PPFIA2: variants seen among roughly 807,000 people sequenced by gnomAD.
The protein encoded by PPFIA2 is PPFI scaffold protein A2.
A neutral mutation model predicts 175.5 loss-of-function variants in PPFIA2; 46 were observed. That is an observed-to-expected ratio of 0.26 (90% CI 0.21 to 0.34). The LOEUF (loss-of-function observed/expected upper bound fraction) is 0.34, where lower values mean the gene tolerates loss of function less well. PPFIA2 is among the 10% of genes least tolerant of loss of function. The probability of loss-of-function intolerance (pLI) is 1.00; values close to 1 mark genes in which losing one functional copy is unlikely to be tolerated. For synonymous variants in PPFIA2, 568 were observed against 511.4 expected (o/e 1.11, Z -1.49); for missense variants, 1,179 against 1,506.1 (o/e 0.78, Z 3.60).
intron 24 of PPFIA2, among the ~76,000 whole-genome samples, chr12:81,291,370 A>T (rs2044926518): frequency 6.6e-6 from 1 of 151,868 alleles, no homozygotes; most frequent in Non-Finnish European, 1.5e-5. Context: ...ATCACACTTC[A>T]CTTCTATTGC....
In PPFIA2 at chr12:81,339,287, G is replaced by T. The variant is rs1476380191; in HGVS notation, c.2441C>A (p.Ala814Asp). 6.2e-7 allele frequency: 1 copy of T among 1,609,822 alleles called. No homozygotes were observed. The highest frequency in any genetic ancestry group is 1.7e-5 in the Admixed American group (1 of 59,458). The change falls in exon 21 of 33, where the codon GCC (alanine) becomes GAC (aspartate). Residue 814 changes from alanine to aspartate, a missense_variant. This residue lies in a region of PPFIA2 where 223 missense variants were observed against 241.6 expected (regional missense o/e 0.92). Coordinates refer to ENST00000549396, the MANE Select transcript of PPFIA2 (RefSeq NM_003625.5). The stretch of plus-strand genomic sequence containing the variant: ...GTGAAGAGAGTCTTGGCTGCTGTTG[G>T]CACTACCAAGCCCGAGGCTTTCTGG... Reference protein sequence around the residue: ...LEPESLGLGSANSSQDSLHKA... With the variant: ...LEPESLGLGSDNSSQDSLHKA...
intron 4 of PPFIA2, among the ~76,000 whole-genome samples, chr12:81,642,555 A>G (rs2065113987): frequency 6.8e-6 from 1 of 147,864 alleles, no homozygotes; most frequent in African/African-American, 2.5e-5. Context: ...TGGATATAAA[A>G]CAAGCATTGC....
At chr12:81,624,764 G>A (rs904105602) in intron 4 of PPFIA2, among the ~76,000 whole-genome samples, 1 of 151,082 alleles carries the variant, frequency 6.6e-6, no homozygotes, top group African/African-American at 2.4e-5. Context: ...CCTTATAAGT[G>A]GGAGATAAGC....
chr12:81,491,216 T>A (rs1461984101), intron 4 of PPFIA2, among the ~76,000 whole-genome samples: 3 of 151,818 alleles, frequency 2.0e-5, no homozygotes, highest in African/African-American at 4.8e-5. Context: ...TTTTTTTGTT[T>A]TTTTGCTTTG....
chr12:81,598,185 A>G, intron 4 of PPFIA2: 1 of 1,377,544 alleles, frequency 7.3e-7, no homozygotes, highest in South Asian at 1.8e-5. Flanking sequence ...TAGCATTTTG[A>G]ATTGTTCTTC....
chr12:81,398,487 C>A (rs1301979685), intron 8 of PPFIA2, among the ~76,000 whole-genome samples: 1 of 151,998 alleles, frequency 6.6e-6, no homozygotes, highest in Non-Finnish European at 1.5e-5. Flanking sequence ...CACATTTATT[C>A]TTTACTTACT....
intron 14 of PPFIA2, among the ~76,000 whole-genome samples, chr12:81,363,711 C>A (rs1045847074): frequency 2.0e-5 from 3 of 151,602 alleles, no homozygotes; most frequent in Non-Finnish European, 4.4e-5. Flanking sequence ...ACGTCACTAC[C>A]ATCCTACTCT....
chr12:81,663,104 A>G (rs2069285009), intron 4 of PPFIA2, among the ~76,000 whole-genome samples: 1 of 150,440 alleles, frequency 6.6e-6, no homozygotes, highest in Admixed American at 6.6e-5. Flanking sequence ...TCATACTGGA[A>G]GGCATTCCCT....
At chr12:81,687,818 C>T (rs1037120836) in intron 3 of PPFIA2, among the ~76,000 whole-genome samples, 1 of 151,674 alleles carries the variant, frequency 6.6e-6, no homozygotes, top group African/African-American at 2.4e-5. Flanking sequence ...TGATAACTTA[C>T]AGTAAACAAT....
At chr12:81,532,691 G>T (rs1159478853) in intron 4 of PPFIA2, among the ~76,000 whole-genome samples, 1 of 151,664 alleles carries the variant, frequency 6.6e-6, no homozygotes, top group Non-Finnish European at 1.5e-5. Context: ...TATCCCATTT[G>T]CAGAATTTAG....
At chr12:81,385,357 A>G (rs2038690899) in intron 8 of PPFIA2, among the ~76,000 whole-genome samples, 1 of 152,184 alleles carries the variant, frequency 6.6e-6, no homozygotes, top group Non-Finnish European at 1.5e-5. Flanking sequence ...CTGGGTATAT[A>G]ACCAAAGGAA....
intron 8 of PPFIA2, among the ~76,000 whole-genome samples, chr12:81,398,318 C>T (rs1030771735): frequency 5.9e-5 from 9 of 152,016 alleles, no homozygotes; most frequent in Non-Finnish European, 1.3e-4. Context: ...TTTGACTAGG[C>T]TTTTTTGAAA....
chr12:81,530,825 G>T (rs1336869308), intron 4 of PPFIA2, among the ~76,000 whole-genome samples: 7 of 151,684 alleles, frequency 4.6e-5, no homozygotes, highest in African/African-American at 1.7e-4. Flanking sequence ...TTATGTATTT[G>T]CAATGTTTTA....
intron 7 of PPFIA2, among the ~76,000 whole-genome samples, chr12:81,434,623 A>G (rs1021450725): frequency 2.0e-5 from 3 of 152,118 alleles, no homozygotes; most frequent in Non-Finnish European, 4.4e-5. Context: ...AGGGAATAGC[A>G]GTACATTAGG....
At chr12:81,328,963 C>T (rs966119458) in intron 21 of PPFIA2, among the ~76,000 whole-genome samples, 4 of 151,846 alleles carry the variant, frequency 2.6e-5, no homozygotes, top group African/African-American at 9.7e-5. Flanking sequence ...GCCACTATGC[C>T]CGGCTAGTTT....
chr12:81,318,133 A>T (rs75493063), intron 22 of PPFIA2, among the ~76,000 whole-genome samples: 1 of 151,512 alleles, frequency 6.6e-6, no homozygotes, highest in Non-Finnish European at 1.5e-5. Flanking sequence ...GGCAGCATCT[A>T]TATCTTTGTT....
At chr12:81,388,680 C>A (rs1359697374) in intron 8 of PPFIA2, among the ~76,000 whole-genome samples, 2 of 151,974 alleles carry the variant, frequency 1.3e-5, no homozygotes, top group South Asian at 2.1e-4. Context: ...CTATAAAAAC[C>A]TTGAAAAACA....
At chr12:81,480,561 C>A (rs754516137) in intron 4 of PPFIA2, among the ~76,000 whole-genome samples, 1 of 152,140 alleles carries the variant, frequency 6.6e-6, no homozygotes, top group Non-Finnish European at 1.5e-5. Context: ...TACCTTTGGT[C>A]TTTGATGTTG....
At chr12:81,515,794 T>A (rs1389636652) in intron 4 of PPFIA2, among the ~76,000 whole-genome samples, 4 of 152,074 alleles carry the variant, frequency 2.6e-5, no homozygotes, top group Admixed American at 2.6e-4. Context: ...ATTTTTCTCA[T>A]GAGTACATCC....
Sources: allele counts gnomAD v4.1 joint callset (sites outside exome capture counted in the v4.1 genomes callset), GRCh38; gene constraint gnomAD v4.1.1; regional missense constraint gnomAD v4.1.1; transcripts MANE v1.5; gene names NCBI Gene and HGNC (gene_info 2026-07-23, HGNC 2026-07-21).